Variants in TRIM28 observed in about 807,000 individuals in gnomAD.
The protein encoded by TRIM28 is transcription intermediary factor 1-beta.
TRIM28 carries 8 observed loss-of-function variants against 87.4 expected under a neutral mutation model. The observed-to-expected ratio is 0.09, with a 90% CI of 0.05 to 0.17. The LOEUF (loss-of-function observed/expected upper bound fraction) is 0.17, where lower values mean the gene tolerates loss of function less well. Ranked by LOEUF, TRIM28 falls within the 10% of genes least tolerant of loss-of-function variation. The pLI, the probability that TRIM28 is intolerant of heterozygous loss-of-function variation, is 1.00. For synonymous variants in TRIM28, 601 were observed against 454.3 expected (o/e 1.32, Z -4.11); for missense variants, 968 against 1,131.8 (o/e 0.86, Z 2.08).
rs56229738 is a variant in TRIM28 at position 58,550,426 on chromosome 19, C to A, written c.2381C>A (p.Thr794Lys). The A allele has an allele frequency of 6.2e-7, 1 of 1,613,764 alleles. No homozygotes were observed. ...SIIGLQRFFE[T>K]RMNEAFGDTK... is the part of the protein sequence containing the mutation. Reference sequence around the variant, plus strand: ...ATCGGCCTGCAGCGCTTCTTCGAGACGCGCATGAACGAGGCCTTCGGTGAC... The same window carrying A: ...ATCGGCCTGCAGCGCTTCTTCGAGAAGCGCATGAACGAGGCCTTCGGTGAC... The change falls in exon 17 of 17, where the codon ACG becomes AAG. Residue 794 changes from threonine to lysine, a missense_variant. Coordinates refer to ENST00000253024, the MANE Select transcript of TRIM28 (RefSeq NM_005762.3).
At position 58,549,754 on chromosome 19, in the gene TRIM28, C is replaced by T. The variant is rs767456825; in HGVS notation, c.2000C>T (p.Ser667Leu). ...CACCCTAGGGAGGAGTGGAGCTGCT[C>T]ACTCTGCCATGTGCTCCCTGACCTG... ...QDVPGEEWSC[S>L]LCHVLPDLKE... The change falls in exon 14 of 17, where the codon TCA (serine) becomes TTA (leucine). Residue 667 changes from serine (S) to leucine (L), a missense_variant. Around this residue, in one of 11 missense-constraint regions of TRIM28, gnomAD observed 192 missense variants for 225.6 expected, o/e 0.85. Transcript: ENST00000253024. The surrounding 1 kb of genome is among the most constrained non-coding windows in gnomAD (Gnocchi z 4.4). The T allele has an allele frequency of 1.2e-6, 2 of 1,609,880 alleles. No homozygotes were observed. Among genetic ancestry groups the T allele is most frequent in the Non-Finnish European group, 1.7e-6 (2 of 1,176,970 alleles).
Position 58,545,051 on chromosome 19 carries a change from C to A in TRIM28, c.294C>A (p.Ala98=). The A allele has an allele frequency of 5.5e-6, 8 of 1,458,808 alleles. No individual in the cohort carries two copies. Among genetic ancestry groups the A allele is most frequent in the Non-Finnish European group, 7.1e-6 (8 of 1,118,974 alleles). The allele number at this position is 1,458,808 out of a possible 1,614,324, so 90.4% of individuals were successfully genotyped here. A position where few individuals can be genotyped will look rare whatever the true frequency, so the allele number is the denominator to read the frequency against. Residue 98 remains alanine (A), a synonymous_variant, in exon 1 of 17, where the codon GCC becomes GCA. Transcript: ENST00000253024. ...CCTGCTTAGGGCCCGCGGCCCCCGCCGCCGCCAACAGCTCGGGGGACGGCG... is the reference window on the plus strand; with the variant it reads ...CCTGCTTAGGGCCCGCGGCCCCCGCAGCCGCCAACAGCTCGGGGGACGGCG... ...CSACLGPAAP[A]AANSSGDGGA...
At chr19:58,546,352 C>G (rs1177147962) in intron 3 of TRIM28, among the ~76,000 whole-genome samples, 2 of 152,204 alleles carry the variant, frequency 1.3e-5, no homozygotes, top group African/African-American at 4.8e-5. Flanking sequence ...TTTGAGTTGG[C>G]AGAGACTTAC....
Position 58,548,421 on chromosome 19 carries a change from C to T in TRIM28, c.1216+13C>T, listed in dbSNP as rs771002098. 1.2e-6 allele frequency: 2 copies of T among 1,614,122 alleles called. No homozygotes were observed. The highest frequency in any genetic ancestry group is 3.3e-5 in the Admixed American group (2 of 60,026). The stretch of plus-strand genomic sequence containing the variant: ...GCCGAGGCCTTTGGTGGGTCCCCAG[C>T]TTTACCTCACTCTGTTATTACCCCA... On this transcript the variant is annotated intron_variant, in intron 8 of 16. Coordinates refer to ENST00000253024, the MANE Select transcript of TRIM28 (RefSeq NM_005762.3).
In TRIM28 at chr19:58,544,956, G is replaced by C. The variant is rs776588392; in HGVS notation, c.199G>C (p.Val67Leu). 4.0e-6 allele frequency: 6 copies of C among 1,502,214 alleles called. No homozygotes were observed. The South Asian group carries it at 6.2e-5, about 16-fold the overall frequency. 93.1% of individuals were successfully genotyped at this position (1,502,214 alleles called of 1,614,324 possible). A position where few individuals can be genotyped will look rare whatever the true frequency, so the allele number is the denominator to read the frequency against. Reference sequence around the variant, plus strand: ...GCTGGAGCTGCTGGAGCACTGCGGCGTGTGCAGAGAGCGCCTGCGACCCGA... The same window carrying C: ...GCTGGAGCTGCTGGAGCACTGCGGCCTGTGCAGAGAGCGCCTGCGACCCGA... Reference protein sequence around the residue: ...EALELLEHCGVCRERLRPERE... With the variant: ...EALELLEHCGLCRERLRPERE... Residue 67 changes from valine (V) to leucine (L), a missense_variant, in exon 1 of 17, where the codon GTG (valine) becomes CTG (leucine). This residue lies in a region of TRIM28 where 208 missense variants were observed against 170.9 expected (regional missense o/e 1.22). Transcript: ENST00000253024.
Position 58,544,940 on chromosome 19 carries a change from G to A in TRIM28, c.183G>A (p.Leu61=), listed in dbSNP as rs1402565776. Residue 61 remains leucine (L), a synonymous_variant, in exon 1 of 17, where the codon CTG becomes CTA. Transcript: ENST00000253024. Reference sequence around the variant, plus strand: ...GGGGCGGCGCCGAGGCGCTGGAGCTGCTGGAGCACTGCGGCGTGTGCAGAG... The same window carrying A: ...GGGGCGGCGCCGAGGCGCTGGAGCTACTGGAGCACTGCGGCGTGTGCAGAG... ...PAGGGAEALE[L]LEHCGVCRER... The A allele has an allele frequency of 9.5e-6, 14 of 1,471,258 alleles. No homozygotes were observed. Among genetic ancestry groups the A allele is most frequent in the Admixed American group, 5.3e-5 (2 of 37,850 alleles). The allele number at this position is 1,471,258 out of a possible 1,614,324, so 91.1% of individuals were successfully genotyped here.
At chr19:58,545,576 G>C in intron 2 of TRIM28, 39 bp downstream of exon 2, 1 of 1,553,084 alleles carries the variant, frequency 6.4e-7, no homozygotes, top group Non-Finnish European at 8.9e-7. Context: ...GGTTTCTGGG[G>C]AGGGGGCATC....
In TRIM28 at chr19:58,549,194, C is replaced by T. The variant is rs1223522532; in HGVS notation, c.1616C>T (p.Ala539Val). ...AATGQPGTAP[A>V]GTPGAPPLAG... ...ACCGGCCAGCCAGGGACTGCGCCTG[C>T]AGGAACCCCTGGTGCCCCACCCCTG... Residue 539 changes from alanine to valine, a missense_variant, in exon 12 of 17, where the codon GCA becomes GTA. Ala to Val is a moderately conservative substitution (Grantham distance 64). Around this residue, in one of 11 missense-constraint regions of TRIM28, gnomAD observed 164 missense variants for 146.2 expected, o/e 1.12. Coordinates refer to ENST00000253024, the MANE Select transcript of TRIM28 (RefSeq NM_005762.3). The surrounding 1 kb of genome is among the most constrained non-coding windows in gnomAD (Gnocchi z 4.4). 1.4e-5 allele frequency: 22 copies of T among 1,613,922 alleles called. No individual in the cohort carries two copies. The highest frequency in any genetic ancestry group is 1.6e-4 in the Middle Eastern group (1 of 6,062).
chr19:58,545,179 C>T (rs759292061), intron 1 of TRIM28, 82 bp downstream of exon 1: 14 of 1,280,574 alleles, frequency 1.1e-5, no homozygotes, highest in East Asian at 5.4e-5. Flanking sequence ...AGGATGCCAC[C>T]TGGGCGAGAG....
Position 58,544,727 on chromosome 19 carries a change from T to TC in TRIM28, c.-24dup, listed in dbSNP as rs932493018. 4.3e-5 allele frequency: 43 copies of TC among 1,004,692 alleles called. No individual in the cohort carries two copies. In the African/African-American group the frequency reaches 6.1e-4, roughly 14 times the overall value. The allele number at this position is 1,004,692 out of a possible 1,614,324, so 62.2% of individuals were successfully genotyped here. On this transcript the variant is annotated 5_prime_UTR_variant, in exon 1 of 17. Coordinates refer to ENST00000253024, the MANE Select transcript of TRIM28 (RefSeq NM_005762.3). ...TGCGCGGCGGGCCCCGCGCCCCTCC[T>TC]CCCCCCCTGGGCGCCCCCGGCGGCG...
Position 58,550,647 on chromosome 19 carries a change from T to C in TRIM28, c.*94T>C. 1 of 1,298,134 alleles carries C rather than the reference T, an allele frequency of 7.7e-7. No individual in the cohort carries two copies. The highest frequency in any genetic ancestry group is 1.0e-6 in the Non-Finnish European group (1 of 953,544). The allele number at this position is 1,298,134 out of a possible 1,614,324, so 80.4% of individuals were successfully genotyped here. A position where few individuals can be genotyped will look rare whatever the true frequency, so the allele number is the denominator to read the frequency against. ...TGGTGGCCTGACTCCCACTCCCTGG[T>C]GGCCCCATCCCCCAGTTCCTCACGA... On this transcript the variant is annotated 3_prime_UTR_variant, in exon 17 of 17. Transcript: ENST00000253024.
Position 58,550,226 on chromosome 19 carries a change from C to T in TRIM28, c.2273C>T (p.Pro758Leu). The T allele has an allele frequency of 3.1e-6, 5 of 1,614,148 alleles. No individual in the cohort carries two copies. The highest frequency in any genetic ancestry group is 4.2e-6 in the Non-Finnish European group (5 of 1,180,018). Residue 758 changes from proline to leucine, a missense_variant, in exon 16 of 17, where the codon CCA becomes CTA. Pro to Leu is a moderately conservative substitution (Grantham distance 98, BLOSUM62 -3). Transcript: ENST00000253024. ...AAGTTGTCACCTCCCTACAGCTCCCCACAGGAGTTTGCCCAGGATGTGGGC... is the reference window on the plus strand; with the variant it reads ...AAGTTGTCACCTCCCTACAGCTCCCTACAGGAGTTTGCCCAGGATGTGGGC... Reference protein sequence around the residue: ...QEKLSPPYSSPQEFAQDVGRM... With the variant: ...QEKLSPPYSSLQEFAQDVGRM...
chr19:58,548,749 G>A lies in TRIM28; in HGVS notation c.1333G>A (p.Val445Met), dbSNP rs372251664. Residue 445 changes from valine to methionine, a missense_variant, in exon 10 of 17, where the codon GTG becomes ATG. Coordinates refer to ENST00000253024, the MANE Select transcript of TRIM28 (RefSeq NM_005762.3). ...QGSGSSQPME[V>M]QEGYGFGSGD... ...TCTGCTTTGTTCACAGCCCATGGAG[G>A]TGCAGGAAGGCTATGGCTTTGGGTC... 39 of 1,613,898 alleles carry A rather than the reference G, an allele frequency of 2.4e-5. No individual in the cohort carries two copies. The African/African-American group carries it at 4.9e-4, about 20-fold the overall frequency.
rs2053757342 is a variant in TRIM28, at chr19:58,545,915, G to C, written c.586+19G>C. 1 of 1,573,788 alleles carries C rather than the reference G, an allele frequency of 6.4e-7. No homozygotes were observed. The highest frequency in any genetic ancestry group is 2.3e-5 in the East Asian group (1 of 44,018). The stretch of plus-strand genomic sequence containing the variant: ...TCTACTGGTACATGAGGCTGAGGGG[G>C]GCTGTTGGAGTTGTTCTCCCATGTG... On this transcript the variant is annotated intron_variant, in intron 3 of 16. Coordinates refer to ENST00000253024, the MANE Select transcript of TRIM28 (RefSeq NM_005762.3).
In TRIM28 at chr19:58,548,524, G is replaced by A; in HGVS notation, c.1255G>A (p.Gly419Ser). ...AGAGCGTCCTGGCACTAACTCAACA[G>A]GCCCTGCACCCATGGCCCCTCCAAG... ...VAERPGTNST[G>S]PAPMAPPRAP... is the part of the protein sequence containing the mutation. Residue 419 changes from glycine (G) to serine (S), a missense_variant, in exon 9 of 17, where the codon GGC (glycine) becomes AGC (serine). This residue lies in a region of TRIM28 where 119 missense variants were observed against 93.6 expected (regional missense o/e 1.27). Coordinates refer to ENST00000253024, the MANE Select transcript of TRIM28 (RefSeq NM_005762.3). 1 of 1,614,026 alleles carries A rather than the reference G, an allele frequency of 6.2e-7. No homozygotes were observed. The highest frequency in any genetic ancestry group is 8.5e-7 in the Non-Finnish European group (1 of 1,180,024).
intron 3 of TRIM28, among the ~76,000 whole-genome samples, chr19:58,546,648 G>T (rs951171228): frequency 3.9e-5 from 6 of 152,214 alleles, no homozygotes; most frequent in Admixed American, 2.0e-4. Flanking sequence ...GCAGGAATGA[G>T]TGGCATTGGG....
chr19:58,550,306 G>C, intron 16 of TRIM28, 22 bp downstream of exon 16: 1 of 1,613,924 alleles, frequency 6.2e-7, no homozygotes, highest in East Asian at 2.2e-5. Flanking sequence ...GAATGGAGAG[G>C]CTGTGGGCAG....
chr19:58,549,053 G>GCCTGGA lies in TRIM28; in HGVS notation c.1485_1490dup (p.Asp496_Leu497dup), dbSNP rs2053788475. On this transcript the variant is annotated inframe_insertion, in exon 12 of 17. Coordinates refer to ENST00000253024, the MANE Select transcript of TRIM28 (RefSeq NM_005762.3). This position sits in a 1 kb window ranked among gnomAD's most constrained non-coding sequence, Gnocchi z 4.4. ...AAGGTGCCACGAGTGAGCCTTGAAC[G>GCCTGGA]CCTGGACCTGGACCTCACAGCTGAC... 1 of 1,614,062 alleles carries GCCTGGA rather than the reference G, an allele frequency of 6.2e-7. No individual in the cohort carries two copies. The highest frequency in any genetic ancestry group is 8.5e-7 in the Non-Finnish European group (1 of 1,179,992).
Position 58,549,561 on chromosome 19 carries a change from C to T in TRIM28, c.1893C>T (p.Cys631=), listed in dbSNP as rs781032794. 4.3e-6 allele frequency: 7 copies of T among 1,613,980 alleles called. No homozygotes were observed. In the African/African-American group the frequency reaches 9.3e-5, roughly 22 times the overall value. The stretch of plus-strand genomic sequence containing the variant: ...ACAGTGCCACCATTTGCCGTGTCTG[C>T]CAGAAGCCAGGCGATCTGGTTATGT... ...LDDSATICRV[C]QKPGDLVMCN... The change falls in exon 13 of 17, where the codon TGC becomes TGT. Residue 631 remains cysteine, a synonymous_variant. Coordinates refer to ENST00000253024, the MANE Select transcript of TRIM28 (RefSeq NM_005762.3). The surrounding 1 kb of genome is among the most constrained non-coding windows in gnomAD (Gnocchi z 4.4).
Sources: gnomAD v4.1 joint callset for allele counts (sites outside exome capture counted in the v4.1 genomes callset) on GRCh38, gnomAD v4.1.1 for gene constraint, gnomAD v4.1.1 regional missense constraint, Gnocchi (gnomAD v3.1) non-coding constraint, MANE v1.5 for transcripts, NCBI Gene and HGNC (gene_info 2026-07-23, HGNC 2026-07-21) for gene names.